The following SLC25A30 variants were observed in gnomAD, a reference collection of about 807,000 sequenced individuals.
SLC25A30 encodes the protein kidney mitochondrial carrier protein 1.
SLC25A30 carries 29 observed loss-of-function variants against 42.7 expected under a neutral mutation model. That is an observed-to-expected ratio of 0.68 (90% confidence interval 0.51 to 0.93). The LOEUF is 0.93. Ranked by LOEUF, SLC25A30 falls within the 40% of genes least tolerant of loss-of-function variation. The pLI, the probability that SLC25A30 is intolerant of heterozygous loss-of-function variation, is 0.00. For synonymous variants in SLC25A30, 124 were observed against 131.0 expected, an observed-to-expected ratio of 0.95 and a Z score of 0.37; for missense variants, 300 against 359.7, an observed-to-expected ratio of 0.83 and a Z score of 1.34.
At chr13:45,399,490 T>C (rs1040805901) in intron 7 of SLC25A30, among the ~76,000 whole-genome samples, 1 of 152,196 alleles carries the variant, frequency 6.6e-6, no homozygotes, top group Non-Finnish European at 1.5e-5. Context: ...ATTACAGGCA[T>C]GAGCCACCAT....
intron 1 of SLC25A30, 163 bp from the exon 2 acceptor site, chr13:45,411,643 C>T: frequency 1.8e-6 from 1 of 546,882 alleles, no homozygotes; most frequent in Non-Finnish European, 3.3e-6. Flanking sequence ...CCCCTATTTC[C>T]TCAACCTCAA....
At chr13:45,424,515 A>G in the SLC25A30 span, among the ~76,000 whole-genome samples, 1 of 60,258 alleles carries the variant, frequency 1.7e-5, no homozygotes, top group South Asian at 5.8e-4. Context: ...AAATATATAT[A>G]AATATATAAA....
intron 8 of SLC25A30, chr13:45,398,512 T>C (rs1013824907): frequency 6.7e-6 from 1 of 149,620 alleles, no homozygotes; most frequent in African/African-American, 2.5e-5. Flanking sequence ...TGACTCCTAA[T>C]CCTACTACTG....
chr13:45,411,656 C>T (rs1403674573), intron 1 of SLC25A30, 176 bp from the exon 2 acceptor site: 5 of 526,782 alleles, frequency 9.5e-6, no homozygotes. Flanking sequence ...AACCTCAAAT[C>T]AACAATTTCC....
At chr13:45,406,627 C>G (rs1882536766) in intron 3 of SLC25A30, among the ~76,000 whole-genome samples, 2 of 152,176 alleles carry the variant, frequency 1.3e-5, no homozygotes, top group Admixed American at 1.3e-4. Flanking sequence ...CATTTCCCCA[C>G]TTCCTTCTTG....
chr13:45,420,620 A>T (rs1467918617), upstream of SLC25A30, among the ~76,000 whole-genome samples: 2 of 152,198 alleles, frequency 1.3e-5, no homozygotes, highest in Non-Finnish European at 2.9e-5. Context: ...GCCCATGCTA[A>T]TACTCAGATA....
At position 45,404,493 on chromosome 13, in the gene SLC25A30, T is replaced by C. The variant is rs1333402284; in HGVS notation, c.308-81A>G. The C allele has an allele frequency of 8.4e-6, 8 of 950,154 alleles. No homozygotes were observed. In the African/African-American group the frequency reaches 1.3e-4, roughly 15 times the overall value. 58.9% of individuals were successfully genotyped at this position (950,154 alleles called of 1,614,324 possible). A position where few individuals can be genotyped will look rare whatever the true frequency, so the allele number is the denominator to read the frequency against. ...AACTCAACTATAGGTCTAACTTATTTACACATTACTTGTTCACCTTAAGAT... is the reference window on the plus strand; with the variant it reads ...AACTCAACTATAGGTCTAACTTATTCACACATTACTTGTTCACCTTAAGAT... On this transcript the variant is annotated intron_variant, in intron 4 of 9. Transcript: ENST00000519676.
chr13:45,395,704 A>G lies in SLC25A30; in HGVS notation c.*270T>C. ...ATTTTCTTGCAAGTTTTCTTTAGCAAGAAACATGCATTTCACATATTATCT... is the reference window on the plus strand; with the variant it reads ...ATTTTCTTGCAAGTTTTCTTTAGCAGGAAACATGCATTTCACATATTATCT... On this transcript the variant is annotated 3_prime_UTR_variant, in exon 10 of 10. Coordinates refer to ENST00000519676, the MANE Select transcript of SLC25A30 (RefSeq NM_001010875.4). The G allele has an allele frequency of 7.4e-7, 1 of 1,347,820 alleles. No homozygotes were observed. Among genetic ancestry groups the G allele is most frequent in the Non-Finnish European group, 9.6e-7 (1 of 1,045,088 alleles). The allele number at this position is 1,347,820 out of a possible 1,614,324, so 83.5% of individuals were successfully genotyped here. A position where few individuals can be genotyped will look rare whatever the true frequency, so the allele number is the denominator to read the frequency against.
chr13:45,405,200 C>T (rs972920259), intron 4 of SLC25A30, among the ~76,000 whole-genome samples: 1 of 152,178 alleles, frequency 6.6e-6, no homozygotes, highest in African/African-American at 2.4e-5. Flanking sequence ...ACTGGGATTA[C>T]AGGCACGCGC....
intron 7 of SLC25A30, 131 bp downstream of exon 7, chr13:45,400,952 G>A: frequency 5.7e-6 from 4 of 706,908 alleles, no homozygotes; most frequent in Non-Finnish European, 8.9e-6. Context: ...TGCCTATGTA[G>A]AGGAATAAGG....
At chr13:45,424,115 A>G in the SLC25A30 span, among the ~76,000 whole-genome samples, 8 of 99,010 alleles carry the variant, frequency 8.1e-5, no homozygotes, top group East Asian at 1.3e-3. Flanking sequence ...AAATATATAT[A>G]AATATATATA....
chr13:45,429,862 CAG>C, the SLC25A30 span, among the ~76,000 whole-genome samples: 1 of 150,466 alleles, frequency 6.6e-6, no homozygotes, highest in Non-Finnish European at 1.5e-5. Context: ...AACAAAAAAA[CAG>C]AAAGAAATCT....
chr13:45,424,055 A>C, the SLC25A30 span, among the ~76,000 whole-genome samples: 1 of 105,740 alleles, frequency 9.5e-6, no homozygotes, highest in Non-Finnish European at 1.7e-5. Flanking sequence ...ATATAAATCT[A>C]TAAAAATATA....
chr13:45,399,036 G>GTT lies in SLC25A30; in HGVS notation c.655_656dup (p.Asn219LysfsTer7). 6.2e-7 allele frequency: 1 copy of GTT among 1,613,530 alleles called. No homozygotes were observed. The highest frequency in any genetic ancestry group is 2.2e-5 in the East Asian group (1 of 44,858). On this transcript the variant is annotated frameshift_variant, in exon 8 of 10. Transcript: ENST00000519676. LOFTEE classifies it high-confidence loss of function. ...TACGTGTCCTCACAACATCAACAGG[G>GTT]TTTGAGGCCAGGGCCCCTGCCAGAC...
chr13:45,414,253 G>C (rs905420276), intron 1 of SLC25A30, among the ~76,000 whole-genome samples: 16 of 152,180 alleles, frequency 1.1e-4, no homozygotes, highest in Admixed American at 7.9e-4. Context: ...TCAAGTTAAT[G>C]TTTGCTGAGT....
chr13:45,423,435 G>C (rs900298220), upstream of SLC25A30, among the ~76,000 whole-genome samples: 3 of 144,450 alleles, frequency 2.1e-5, no homozygotes, highest in African/African-American at 7.8e-5. Flanking sequence ...TTATGCCCAA[G>C]GGTTAGCAAA....
chr13:45,424,960 A>G, the SLC25A30 span, among the ~76,000 whole-genome samples: 1 of 78,456 alleles, frequency 1.3e-5, no homozygotes, highest in South Asian at 4.2e-4. Context: ...ATAAATAAAT[A>G]TATAAATATA....
chr13:45,400,907 G>A (rs532321355), intron 7 of SLC25A30, among the ~76,000 whole-genome samples, 176 bp downstream of exon 7: 3 of 152,184 alleles, frequency 2.0e-5, no homozygotes, highest in East Asian at 1.9e-4. Flanking sequence ...CGTAGAAAAC[G>A]CCTGGAAGAT....
chr13:45,424,558 T>C, the SLC25A30 span, among the ~76,000 whole-genome samples: 8 of 66,906 alleles, frequency 1.2e-4, no homozygotes, highest in South Asian at 4.8e-4. Flanking sequence ...TATAAATATA[T>C]ATAAATGTAT....
Sources: gnomAD v4.1 joint callset for allele counts (sites outside exome capture counted in the v4.1 genomes callset) on GRCh38, gnomAD v4.1.1 for gene constraint, MANE v1.5 for transcripts, NCBI Gene and HGNC (gene_info 2026-07-23, HGNC 2026-07-21) for gene names.